Variants in CDK14 observed in about 807,000 individuals in gnomAD.
CDK14 encodes cyclin-dependent kinase 14.
Under a neutral mutation model 60.7 loss-of-function variants are expected in CDK14, and 34 were observed. That is an observed-to-expected ratio of 0.56 (90% CI 0.43 to 0.75). The LOEUF is 0.75. Ranked by LOEUF, CDK14 falls within the 30% of genes least tolerant of loss-of-function variation. The pLI, the probability that CDK14 is intolerant of heterozygous loss-of-function variation, is 0.00. For synonymous variants in CDK14, 197 were observed against 203.7 expected (o/e 0.97, Z 0.28); for missense variants, 482 against 564.1 (o/e 0.85, Z 1.47).
intron 2 of CDK14, among the ~76,000 whole-genome samples, chr7:90,709,093 T>C (rs1191213539): frequency 6.6e-6 from 1 of 152,164 alleles, no homozygotes; most frequent in East Asian, 1.9e-4. Context: ...CCAAAAATTC[T>C]GCAAGCTCAT....
At chr7:91,024,312 A>T (rs912969889) in intron 10 of CDK14, among the ~76,000 whole-genome samples, 1 of 152,166 alleles carries the variant, frequency 6.6e-6, no homozygotes, top group Middle Eastern at 3.2e-3. Context: ...ACTCACGGGG[A>T]AGTTAACTAA....
intron 6 of CDK14, among the ~76,000 whole-genome samples, chr7:90,874,214 G>A (rs942528755): frequency 2.0e-5 from 3 of 152,076 alleles, no homozygotes; most frequent in African/African-American, 4.8e-5. Context: ...CTGGGAAAGG[G>A]TGTGTGCGAG....
rs1802971366 is a variant in CDK14 at position 91,208,489 on chromosome 7, A to T, written c.*1353A>T. On this transcript the variant is annotated 3_prime_UTR_variant, in exon 15 of 15. Coordinates refer to ENST00000380050, the MANE Select transcript of CDK14 (RefSeq NM_001287135.2). Reference sequence around the variant, plus strand: ...GCCAAGGGGACAGTTAGGAGACTTCATCTAAAGCATGAAACCTAGCTCCTC... The same window carrying T: ...GCCAAGGGGACAGTTAGGAGACTTCTTCTAAAGCATGAAACCTAGCTCCTC... The T allele has an allele frequency of 6.6e-6, 1 of 152,328 alleles. No individual in the cohort carries two copies. Among genetic ancestry groups the T allele is most frequent in the African/African-American group, 2.4e-5 (1 of 41,472 alleles). The allele number at this position is 152,328 out of a possible 1,614,324, so 9.4% of individuals were successfully genotyped here. A position where few individuals can be genotyped will look rare whatever the true frequency, so the allele number is the denominator to read the frequency against.
chr7:91,041,263 G>A lies in CDK14; in HGVS notation c.1042-4634G>A, dbSNP rs548661800. On this transcript the variant is annotated intron_variant, in intron 10 of 14. Coordinates refer to ENST00000380050, the MANE Select transcript of CDK14 (RefSeq NM_001287135.2). The stretch of plus-strand genomic sequence containing the variant: ...ACTGTATATTTCTGAACAGAGGGAC[G>A]TGAGACCATTTTGTAGCTTGCATTT... 5.3e-5 allele frequency among the ~76,000 whole-genome samples: 8 copies of A among 151,838 alleles called. No homozygotes were observed. The East Asian group carries it at 1.2e-3, about 22-fold the overall frequency.
At chr7:90,944,508 G>A (rs553018900) in intron 8 of CDK14, among the ~76,000 whole-genome samples, 1 of 152,316 alleles carries the variant, frequency 6.6e-6, no homozygotes, top group Non-Finnish European at 1.5e-5. Flanking sequence ...TGAGGCGGGA[G>A]GACCACTTGA....
intron 5 of CDK14, among the ~76,000 whole-genome samples, chr7:90,829,351 C>G (rs1789834162): frequency 2.0e-5 from 3 of 152,160 alleles, no homozygotes; most frequent in African/African-American, 7.2e-5. Flanking sequence ...GTCCAAAGTC[C>G]CATCTGACAC....
chr7:90,829,183 A>G (rs940865652), intron 5 of CDK14, among the ~76,000 whole-genome samples: 5 of 152,138 alleles, frequency 3.3e-5, no homozygotes, highest in African/African-American at 1.2e-4. Context: ...AGGTATTACA[A>G]TTTGAGATGG....
intron 4 of CDK14, among the ~76,000 whole-genome samples, chr7:90,764,519 T>A (rs1422027420): frequency 6.6e-6 from 1 of 152,088 alleles, no homozygotes; most frequent in African/African-American, 2.4e-5. Flanking sequence ...ATTGTAACAA[T>A]GGAGAGATGG....
intron 12 of CDK14, among the ~76,000 whole-genome samples, chr7:91,098,218 A>G (rs547573884): frequency 2.0e-5 from 3 of 152,336 alleles, no homozygotes; most frequent in African/African-American, 7.2e-5. Flanking sequence ...GTGCCCAGCA[A>G]ATAGATTTTT....
rs183265473 is a variant in CDK14 at position 91,109,458 on chromosome 7, A to T, written c.1155-3084A>T. Among the ~76,000 whole-genome samples, 4 of 152,268 alleles carry T rather than the reference A, an allele frequency of 2.6e-5. No individual in the cohort carries two copies. In the East Asian group the frequency reaches 7.7e-4, roughly 29 times the overall value. Reference sequence around the variant, plus strand: ...TAAGAGGAATTACCAATTACATGGAAATAGAATGCATAACTTCTAGAAGTT... The same window carrying T: ...TAAGAGGAATTACCAATTACATGGATATAGAATGCATAACTTCTAGAAGTT... On this transcript the variant is annotated intron_variant, in intron 12 of 14. Coordinates refer to ENST00000380050, the MANE Select transcript of CDK14 (RefSeq NM_001287135.2).
In CDK14 at chr7:90,956,703, C is replaced by T. The variant is rs929631570; in HGVS notation, c.947+886C>T. ...TATGTATACGTGTGCCATGCTGGTG[C>T]GCTGCACCCACTAACTCTTCATCTA... On this transcript the variant is annotated intron_variant, in intron 9 of 14. Transcript: ENST00000380050. Among the ~76,000 whole-genome samples the T allele has an allele frequency of 2.6e-5, 4 of 151,752 alleles. No individual in the cohort carries two copies. The East Asian group carries it at 5.8e-4, about 22-fold the overall frequency.
rs1352512924 is a variant in CDK14, at chr7:90,641,100, C to T, written c.123+36851C>T. On this transcript the variant is annotated intron_variant, in intron 2 of 14. Coordinates refer to ENST00000380050, the MANE Select transcript of CDK14 (RefSeq NM_001287135.2). Reference sequence around the variant, plus strand: ...ATAATGATGAGCTATCTAGGATGGCCTGAAGAAAAAAACAAAAACAAAAAC... The same window carrying T: ...ATAATGATGAGCTATCTAGGATGGCTTGAAGAAAAAAACAAAAACAAAAAC... Among the ~76,000 whole-genome samples the T allele has an allele frequency of 2.0e-5, 3 of 148,008 alleles. No homozygotes were observed. The Admixed American group carries it at 2.1e-4, about 10-fold the overall frequency.
At chr7:91,011,878 T>C (rs1413377129) in intron 10 of CDK14, among the ~76,000 whole-genome samples, 1 of 151,048 alleles carries the variant, frequency 6.6e-6, no homozygotes, top group Non-Finnish European at 1.5e-5. Context: ...AATTTTCTTT[T>C]CTACAAAGTC....
chr7:90,964,538 C>G (rs1327466659), intron 9 of CDK14, among the ~76,000 whole-genome samples: 1 of 152,142 alleles, frequency 6.6e-6, no homozygotes, highest in Non-Finnish European at 1.5e-5. Flanking sequence ...AATAGAAAAA[C>G]AGTGATCTTC....
chr7:90,694,550 T>G (rs1421605342), intron 2 of CDK14, among the ~76,000 whole-genome samples: 1 of 152,208 alleles, frequency 6.6e-6, no homozygotes, highest in African/African-American at 2.4e-5. Context: ...TTGTATTGGA[T>G]AAAATATTTT....
intron 8 of CDK14, among the ~76,000 whole-genome samples, chr7:90,920,304 C>T (rs937473532): frequency 6.6e-6 from 1 of 151,996 alleles, no homozygotes; most frequent in Admixed American, 6.6e-5. Flanking sequence ...TGAACAAAAC[C>T]GTAAATTTTT....
intron 8 of CDK14, among the ~76,000 whole-genome samples, chr7:90,947,481 C>T (rs915612584): frequency 6.6e-5 from 10 of 152,114 alleles, no homozygotes; most frequent in Admixed American, 2.0e-4. Flanking sequence ...TATTGGGATA[C>T]GAATAATCTT....
chr7:91,054,300 C>T (rs1797490479), intron 11 of CDK14, among the ~76,000 whole-genome samples: 1 of 151,992 alleles, frequency 6.6e-6, no homozygotes, highest in Non-Finnish European at 1.5e-5. Context: ...ACGTAAATAT[C>T]TGCTTTTTAT....
intron 11 of CDK14, among the ~76,000 whole-genome samples, chr7:91,077,158 A>G (rs1317354814): frequency 6.6e-6 from 1 of 152,226 alleles, no homozygotes; most frequent in Non-Finnish European, 1.5e-5. Context: ...ATATACCCAA[A>G]GGAATATAAA....
Sources: allele counts gnomAD v4.1 joint callset (sites outside exome capture counted in the v4.1 genomes callset), GRCh38; gene constraint gnomAD v4.1.1; transcripts MANE v1.5; gene names NCBI Gene and HGNC (gene_info 2026-07-23, HGNC 2026-07-21).